Variants in IFI16 observed in about 807,000 individuals in gnomAD.
IFI16 encodes the protein interferon gamma inducible protein 16.
A neutral mutation model predicts 68.4 loss-of-function variants in IFI16; 49 were observed. The ratio of observed to expected loss-of-function variants is 0.72; its 90% confidence interval spans 0.57 to 0.91. IFI16 has a LOEUF of 0.91. Among genes scored for constraint, IFI16 ranks in the 40% least tolerant of loss-of-function variants. The pLI, the probability that IFI16 is intolerant of heterozygous loss-of-function variation, is 0.00. For missense variants in IFI16, 878 were observed against 942.9 expected (o/e 0.93, Z 0.90); for synonymous variants, 307 against 315.0 (o/e 0.97, Z 0.27).
chr1:159,015,563 G>A (rs954971906), intron 2 of IFI16: 7 of 200,902 alleles, frequency 3.5e-5, no homozygotes, highest in African/African-American at 6.9e-5. Context: ...CAAAATGATC[G>A]GAGAACCGCA....
rs1652821412 is a variant in IFI16, at chr1:159,014,847, TC to T, written c.169del (p.Arg57GlufsTer9). 1 of 1,613,962 alleles carries T rather than the reference TC, an allele frequency of 6.2e-7. No individual in the cohort carries two copies. On this transcript the variant is annotated frameshift_variant, in exon 2 of 12. Coordinates refer to ENST00000295809, the MANE Select transcript of IFI16 (RefSeq NM_001376587.1). LOFTEE classifies it high-confidence loss of function. ...ATTGCTGACTTGATGGAAGAAAAGT[TC>T]CGAGGTGATGCTGGTTTGGGCAAAC... is the stretch of plus-strand genomic sequence containing the variant. The part of the protein sequence containing the change: ...IQIADLMEEK[F>X]RGDAGLGKLI...
intron 6 of IFI16, among the ~76,000 whole-genome samples, chr1:159,026,496 A>G (rs1653679112): frequency 6.6e-6 from 1 of 151,860 alleles, no homozygotes; most frequent in Admixed American, 6.6e-5. Flanking sequence ...ATGGGGTTTC[A>G]CCGTGCTGGC....
upstream of IFI16, among the ~76,000 whole-genome samples, chr1:159,006,508 T>G (rs1417392838): frequency 6.6e-6 from 1 of 151,996 alleles, no homozygotes; most frequent in Non-Finnish European, 1.5e-5. Context: ...ATCAGTTAAT[T>G]GGGCTCTTTT....
At chr1:159,018,693 C>T (rs909899568) in intron 5 of IFI16, 42 bp downstream of exon 5, 4 of 1,376,412 alleles carry the variant, frequency 2.9e-6, no homozygotes, top group Non-Finnish European at 4.0e-6. Flanking sequence ...TCCACCAACA[C>T]CTGAAATTAA....
upstream of IFI16, among the ~76,000 whole-genome samples, chr1:159,002,470 C>T (rs1193716557): frequency 7.2e-5 from 11 of 152,180 alleles, no homozygotes; most frequent in South Asian, 2.3e-3. Flanking sequence ...CTTGCTCCTT[C>T]ACTCTGTTCA....
chr1:159,048,721 G>A lies in IFI16; in HGVS notation c.1498-711G>A, dbSNP rs2236586. Among the ~76,000 whole-genome samples, 88 of 151,550 alleles carry A rather than the reference G, an allele frequency of 5.8e-4. 3 individuals are homozygous for A. Among genetic ancestry groups the A allele is most frequent in the Non-Finnish European group, 2.5e-4 (17 of 67,708 alleles). ...TAATGTGCCACATTGGCCAAATAGGGTGAATATTTTTTGGACTTCCATTAG... is the reference window on the plus strand; with the variant it reads ...TAATGTGCCACATTGGCCAAATAGGATGAATATTTTTTGGACTTCCATTAG... On this transcript the variant is annotated intron_variant, in intron 8 of 11. Transcript: ENST00000295809.
Position 159,051,931 on chromosome 1 carries a change from G to A in IFI16, c.1918G>A (p.Gly640Arg). ...CATAGCAAATTATGTTTGCCGCAAT[G>A]GGTTCCTGGAGGTATATCCTTTCAC... ...IAIANYVCRN[G>R]FLEVYPFTLV... The change falls in exon 10 of 12, where the codon GGG (glycine) becomes AGG (arginine). Residue 640 changes from glycine to arginine, a missense_variant. This residue lies in a region of IFI16 where 311 missense variants were observed against 305.1 expected (regional missense o/e 1.02). Transcript: ENST00000295809. 1 of 1,614,088 alleles carries A rather than the reference G, an allele frequency of 6.2e-7. No individual in the cohort carries two copies. Among genetic ancestry groups the A allele is most frequent in the Non-Finnish European group, 8.5e-7 (1 of 1,179,960 alleles).
intron 6 of IFI16, among the ~76,000 whole-genome samples, chr1:159,024,674 G>A (rs1391494157): frequency 6.6e-6 from 1 of 152,140 alleles, no homozygotes; most frequent in Non-Finnish European, 1.5e-5. Flanking sequence ...ATATTTGTGT[G>A]AAAAGGCTAG....
Position 159,051,674 on chromosome 1 carries a change from C to G in IFI16, c.1666-5C>G. The G allele has an allele frequency of 6.2e-7, 1 of 1,604,536 alleles. No individual in the cohort carries two copies. Among genetic ancestry groups the G allele is most frequent in the South Asian group, 1.1e-5 (1 of 90,502 alleles). On this transcript the variant is annotated splice_region_variant and splice_polypyrimidine_tract_variant and intron_variant, in intron 9 of 11. Coordinates refer to ENST00000295809, the MANE Select transcript of IFI16 (RefSeq NM_001376587.1). ...GTGCCTATGTTTTGGTCTCTACCTTCTAAGTTGAAACCAAGACTGAAGACT... is the reference window on the plus strand; with the variant it reads ...GTGCCTATGTTTTGGTCTCTACCTTGTAAGTTGAAACCAAGACTGAAGACT...
rs200120060 is a variant in IFI16, at chr1:159,045,448, G to A, written c.1481G>A (p.Ser494Asn). ...TPQMPPSTPSSSFLTTKSEDT... is the reference protein window; with the variant it reads ...TPQMPPSTPSNSFLTTKSEDT... Reference sequence around the variant, plus strand: ...CAGATGCCTCCATCAACACCAAGCAGCAGTTTCTTAACCACGGTACAAGTT... The same window carrying A: ...CAGATGCCTCCATCAACACCAAGCAACAGTTTCTTAACCACGGTACAAGTT... Residue 494 changes from serine (S) to asparagine (N), a missense_variant, in exon 8 of 12, where the codon AGC becomes AAC. Transcript: ENST00000295809. 9.1e-5 allele frequency: 146 copies of A among 1,596,192 alleles called. 5 individuals are homozygous for A. Among genetic ancestry groups the A allele is most frequent in the Non-Finnish European group, 7.0e-5 (82 of 1,170,432 alleles).
At chr1:159,054,721 G>A (rs1198812366) in intron 11 of IFI16, 100 bp from the exon 12 acceptor site, 1 of 610,660 alleles carries the variant, frequency 1.6e-6, no homozygotes, top group Non-Finnish European at 3.0e-6. Context: ...AATAGGGGAA[G>A]AGATATGGTG....
chr1:159,024,847 A>T (rs77492679), intron 6 of IFI16, among the ~76,000 whole-genome samples: 4,397 of 152,286 alleles, frequency 0.029, 102 homozygotes, highest in African/African-American at 0.059. Context: ...TTTAACTTAG[A>T]AGGGCTTAAT....
At chr1:159,022,280 A>T (rs543835241) in intron 6 of IFI16, among the ~76,000 whole-genome samples, 43 of 152,136 alleles carry the variant, frequency 2.8e-4, no homozygotes, top group African/African-American at 1.0e-3. Context: ...CCACTTTTTG[A>T]TGGGATTATT....
chr1:159,003,861 T>C (rs933871019), upstream of IFI16, among the ~76,000 whole-genome samples: 18 of 151,784 alleles, frequency 1.2e-4, no homozygotes. Flanking sequence ...GGGGTTTCAC[T>C]GTGTTAGCCA....
At chr1:159,048,984 C>G (rs1253822857) in intron 8 of IFI16, among the ~76,000 whole-genome samples, 8 of 151,096 alleles carry the variant, frequency 5.3e-5, no homozygotes, top group Admixed American at 1.3e-4. Context: ...TCAGAGATCC[C>G]TAAAGGATGG....
chr1:159,018,676 T>C, intron 5 of IFI16, 25 bp downstream of exon 5: 1 of 1,509,712 alleles, frequency 6.6e-7, no homozygotes, highest in Non-Finnish European at 9.0e-7. Flanking sequence ...TTGTTTCGTT[T>C]CATTTTTCCA....
At chr1:159,016,075 A>G in intron 3 of IFI16, 88 bp downstream of exon 3, 2 of 793,726 alleles carry the variant, frequency 2.5e-6, no homozygotes, top group Non-Finnish European at 2.1e-6. Flanking sequence ...GCAGGCAGTT[A>G]TTTCTTCATG....
chr1:159,023,344 C>T (rs1653457778), intron 6 of IFI16, among the ~76,000 whole-genome samples: 1 of 151,978 alleles, frequency 6.6e-6, no homozygotes, highest in Admixed American at 6.6e-5. Flanking sequence ...TTTTCTAGAC[C>T]ATCTGGCTGG....
rs556440648 is a variant in IFI16 at position 159,049,532 on chromosome 1, C to G, written c.1598C>G (p.Pro533Arg). ...FPGPFMTSIG[P>R]AESHPHTPQM... ...GGACCGTTCATGACCAGCATAGGCC[C>G]AGCTGAGAGCCATCCCCACACTCCT... Residue 533 changes from proline (P) to arginine (R), a missense_variant, in exon 9 of 12, where the codon CCA becomes CGA. This residue lies in a region of IFI16 where 311 missense variants were observed against 305.1 expected (regional missense o/e 1.02). Transcript: ENST00000295809. 6.0e-5 allele frequency: 97 copies of G among 1,604,954 alleles called. 1 individual carries two copies. In the African/African-American group the frequency reaches 1.2e-3, roughly 20 times the overall value.
Sources: allele counts gnomAD v4.1 joint callset (sites outside exome capture counted in the v4.1 genomes callset), GRCh38; gene constraint gnomAD v4.1.1; regional missense constraint gnomAD v4.1.1; transcripts MANE v1.5; gene names NCBI Gene and HGNC (gene_info 2026-07-23, HGNC 2026-07-21).